The following PCED1B variants were observed in gnomAD, a reference collection of about 807,000 sequenced individuals.
The protein encoded by PCED1B is PC-esterase domain containing 1B, also known as PC-esterase domain-containing protein 1B.
For synonymous variants in PCED1B, 251 were observed against 246.1 expected (o/e 1.02, Z -0.19); for missense variants, 573 against 573.9 (o/e 1.00, Z 0.02).
intron 2 of PCED1B, among the ~76,000 whole-genome samples, chr12:47,201,341 T>A (rs1942757771): frequency 6.6e-6 from 1 of 152,136 alleles, no homozygotes; most frequent in Non-Finnish European, 1.5e-5. Flanking sequence ...CAGTTTCATA[T>A]CAGTTAATTG....
At chr12:47,228,714 A>T (rs914320815) in intron 3 of PCED1B, among the ~76,000 whole-genome samples, 1 of 151,826 alleles carries the variant, frequency 6.6e-6, no homozygotes, top group Non-Finnish European at 1.5e-5. Context: ...TACTAAAAAA[A>T]CTACAAAAAT....
chr12:47,129,169 T>A (rs891627623), intron 2 of PCED1B, among the ~76,000 whole-genome samples: 1 of 152,164 alleles, frequency 6.6e-6, no homozygotes, highest in Non-Finnish European at 1.5e-5. Context: ...TATCTGTACA[T>A]CTCAAGTTAA....
intron 2 of PCED1B, among the ~76,000 whole-genome samples, chr12:47,165,658 A>G (rs1941521922): frequency 6.6e-6 from 1 of 152,202 alleles, no homozygotes; most frequent in African/African-American, 2.4e-5. Context: ...ACTTAAAGCT[A>G]ATGGACAAAT....
At chr12:47,097,758 G>A (rs962569268) in intron 1 of PCED1B, among the ~76,000 whole-genome samples, 1 of 152,120 alleles carries the variant, frequency 6.6e-6, no homozygotes, top group Non-Finnish European at 1.5e-5. Context: ...GCACGGAGTA[G>A]GTGCTTGCTA....
chr12:47,080,791 T>G (rs563315015), intron 1 of PCED1B, among the ~76,000 whole-genome samples: 1 of 152,226 alleles, frequency 6.6e-6, no homozygotes, highest in African/African-American at 2.4e-5. Context: ...CCTTCCCCTC[T>G]TCTCTCTCCC....
At chr12:47,173,893 C>A (rs74086372) in intron 2 of PCED1B, among the ~76,000 whole-genome samples, 2 of 152,110 alleles carry the variant, frequency 1.3e-5, no homozygotes, top group Non-Finnish European at 2.9e-5. Context: ...GTAAATGCTG[C>A]GGATGCTTTG....
intron 2 of PCED1B, among the ~76,000 whole-genome samples, chr12:47,127,534 T>C (rs574955552): frequency 6.6e-6 from 1 of 150,848 alleles, no homozygotes; most frequent in Non-Finnish European, 1.5e-5. Context: ...CGGTTAATTT[T>C]TTGTATTTTT....
intron 1 of PCED1B, among the ~76,000 whole-genome samples, chr12:47,087,241 T>C (rs1938031984): frequency 6.6e-6 from 1 of 152,212 alleles, no homozygotes; most frequent in African/African-American, 2.4e-5. Flanking sequence ...CTACCACTTA[T>C]TATATTCTCA....
intron 2 of PCED1B, among the ~76,000 whole-genome samples, chr12:47,120,336 C>T (rs1939624089): frequency 6.6e-6 from 1 of 151,992 alleles, no homozygotes; most frequent in African/African-American, 2.4e-5. Flanking sequence ...TAGGTATATA[C>T]TCAAGAGAAG....
chr12:47,091,901 A>G (rs1938281658), intron 1 of PCED1B, among the ~76,000 whole-genome samples: 1 of 152,082 alleles, frequency 6.6e-6, no homozygotes, highest in South Asian at 2.1e-4. Context: ...TTGGACAGTT[A>G]TCTGTTCTTG....
At chr12:47,168,736 G>A (rs975889449) in intron 2 of PCED1B, among the ~76,000 whole-genome samples, 1 of 152,040 alleles carries the variant, frequency 6.6e-6, no homozygotes, top group Middle Eastern at 3.4e-3. Flanking sequence ...TTGAATTTTG[G>A]TTTTTATTTT....
Position 47,220,520 on chromosome 12 carries a change from A to G in PCED1B, c.-58+3831A>G, listed in dbSNP as rs575011724. Among the ~76,000 whole-genome samples, 5 of 152,282 alleles carry G rather than the reference A, an allele frequency of 3.3e-5. No individual in the cohort carries two copies. In the South Asian group the frequency reaches 8.3e-4, roughly 25 times the overall value. On this transcript the variant is annotated intron_variant, in intron 3 of 3. Coordinates refer to ENST00000546455, the MANE Select transcript of PCED1B (RefSeq NM_138371.3). The stretch of plus-strand genomic sequence containing the variant: ...TCTCCATGCCTCAGTTTACTTATCT[A>G]TAAAATGGAGATAATAATACTTCCT...
chr12:47,136,097 T>TTTTTG (rs1555194415), intron 2 of PCED1B, among the ~76,000 whole-genome samples: 70 of 150,508 alleles, frequency 4.7e-4, no homozygotes, highest in Non-Finnish European at 4.6e-4. Flanking sequence ...TTTTTTTTTT[T>TTTTTG]TTTGGCCAAT....
intron 2 of PCED1B, among the ~76,000 whole-genome samples, chr12:47,166,762 T>C (rs1941556778): frequency 6.6e-6 from 1 of 152,252 alleles, no homozygotes; most frequent in African/African-American, 2.4e-5. Context: ...GCATTAATTT[T>C]TCTATTGGTT....
At chr12:47,201,459 G>A (rs919988260) in intron 2 of PCED1B, among the ~76,000 whole-genome samples, 34 of 152,156 alleles carry the variant, frequency 2.2e-4, no homozygotes, top group Admixed American at 2.0e-3. Flanking sequence ...AGCTAAGGGA[G>A]AGTCAATTCA....
chr12:47,202,130 T>C (rs1202511423), intron 2 of PCED1B, among the ~76,000 whole-genome samples: 1 of 152,224 alleles, frequency 6.6e-6, no homozygotes, highest in Non-Finnish European at 1.5e-5. Context: ...TTATGAAGCA[T>C]TCAGGCTTCG....
intron 2 of PCED1B, among the ~76,000 whole-genome samples, chr12:47,162,533 C>T (rs535071115): frequency 2.6e-5 from 4 of 152,074 alleles, no homozygotes; most frequent in African/African-American, 2.4e-5. Flanking sequence ...CACAATTCTG[C>T]GGAGTATACA....
chr12:47,214,503 T>G lies in PCED1B; in HGVS notation c.-525-1719T>G, dbSNP rs1943188916. On this transcript the variant is annotated intron_variant, in intron 2 of 3. Coordinates refer to ENST00000546455, the MANE Select transcript of PCED1B (RefSeq NM_138371.3). ...CAAATTAAATTGACATAAAACAGAT[T>G]AACAGGAGAAAAAAACATTTTTGGC... Among the ~76,000 whole-genome samples the G allele has an allele frequency of 2.6e-5, 4 of 151,874 alleles. 1 individual carries two copies. The South Asian group carries it at 8.3e-4, about 32-fold the overall frequency.
At position 47,235,984 on chromosome 12, in the gene PCED1B, C is replaced by T. The variant is rs745648286; in HGVS notation, c.921C>T (p.Pro307=). ...PTYRPLLGFP[P]QRLPLLPLLS... ...ACCGCCCCCTGCTTGGGTTCCCACC[C>T]CAGCGCTTGCCGCTGCTCCCGCTCC... The change falls in exon 4 of 4, where the codon CCC becomes CCT. Residue 307 remains proline, a synonymous_variant. Coordinates refer to ENST00000546455, the MANE Select transcript of PCED1B (RefSeq NM_138371.3). 186 of 1,612,592 alleles carry T rather than the reference C, an allele frequency of 1.2e-4. No homozygotes were observed. In the Middle Eastern group the frequency reaches 2.0e-3, roughly 17 times the overall value.
Sources: gnomAD v4.1 joint callset for allele counts (sites outside exome capture counted in the v4.1 genomes callset) on GRCh38, gnomAD v4.1.1 for gene constraint, MANE v1.5 for transcripts, NCBI Gene and HGNC (gene_info 2026-07-23, HGNC 2026-07-21) for gene names.